Variants in VAMP4 observed in about 807,000 individuals in gnomAD.
VAMP4 encodes the protein vesicle associated membrane protein 4, also known as vesicle-associated membrane protein 4.
Under a neutral mutation model 23.5 loss-of-function variants are expected in VAMP4, and 19 were observed. The ratio of observed to expected loss-of-function variants is 0.81; its 90% CI spans 0.56 to 1.19. VAMP4 has a LOEUF of 1.19. Ranked by LOEUF, VAMP4 falls within the 50% of genes most tolerant of loss-of-function variation. The pLI is 0.00. For synonymous variants in VAMP4, 31 were observed against 51.0 expected (o/e 0.61, Z 1.67); for missense variants, 145 against 168.6 (o/e 0.86, Z 0.78).
chr1:171,728,385 C>T (rs1365670798), intron 3 of VAMP4, 139 bp downstream of exon 3: 10 of 612,552 alleles, frequency 1.6e-5, no homozygotes, highest in Non-Finnish European at 2.7e-5. Flanking sequence ...TTCACATATC[C>T]ACTGGGGGAT....
At chr1:171,709,838 T>G in intron 5 of VAMP4, 94 bp from the exon 6 acceptor site, 2 of 1,002,072 alleles carry the variant, frequency 2.0e-6, no homozygotes, top group Non-Finnish European at 3.1e-6. Flanking sequence ...AATTTCTACT[T>G]CTGCAAATTT....
At chr1:171,723,625 T>C (rs1256615613) in intron 3 of VAMP4, among the ~76,000 whole-genome samples, 1 of 152,224 alleles carries the variant, frequency 6.6e-6, no homozygotes, top group Non-Finnish European at 1.5e-5. Context: ...CCTGTTCTTT[T>C]TTCAAGGTGA....
At chr1:171,738,537 G>A in intron 1 of VAMP4, 74 bp from the exon 2 acceptor site, 4 of 928,276 alleles carry the variant, frequency 4.3e-6, no homozygotes, top group Non-Finnish European at 6.5e-6. Flanking sequence ...CAGTGTACAT[G>A]AAACCCTGTA....
intron 2 of VAMP4, among the ~76,000 whole-genome samples, chr1:171,735,448 C>A (rs1439387248): frequency 6.6e-6 from 1 of 152,166 alleles, no homozygotes; most frequent in East Asian, 1.9e-4. Context: ...TTACTACATA[C>A]ATTTCCATAC....
At chr1:171,705,198 C>T (rs11803174) in intron 7 of VAMP4, among the ~76,000 whole-genome samples, 25,391 of 152,034 alleles carry the variant, frequency 0.17, 2,264 homozygotes, top group Middle Eastern at 0.24. Context: ...TTTAAAGACA[C>T]TTTATTTAAT....
chr1:171,712,335 G>A (rs1464851982), intron 4 of VAMP4, among the ~76,000 whole-genome samples: 2 of 152,098 alleles, frequency 1.3e-5, no homozygotes, highest in Non-Finnish European at 2.9e-5. Flanking sequence ...GCACAGTCAT[G>A]TTTAATTTTG....
intron 4 of VAMP4, among the ~76,000 whole-genome samples, 189 bp from the exon 5 acceptor site, chr1:171,711,003 T>C (rs948449638): frequency 1.4e-4 from 21 of 152,200 alleles, no homozygotes; most frequent in South Asian, 1.0e-3. Flanking sequence ...TGAAAGACAA[T>C]ATGATATAAA....
chr1:171,730,320 AAGACTG>A (rs1558113795), intron 2 of VAMP4, among the ~76,000 whole-genome samples: 1 of 152,256 alleles, frequency 6.6e-6, no homozygotes, highest in Non-Finnish European at 1.5e-5. Flanking sequence ...CAAAGACCTT[AAGACTG>A]AGATGGATGA....
chr1:171,720,411 A>G (rs1236923494), intron 3 of VAMP4, among the ~76,000 whole-genome samples: 1 of 152,056 alleles, frequency 6.6e-6, no homozygotes, highest in Non-Finnish European at 1.5e-5. Flanking sequence ...GTAACATGAG[A>G]CTTCAAAATA....
intron 4 of VAMP4, among the ~76,000 whole-genome samples, chr1:171,716,842 T>C (rs1655034704): frequency 6.6e-6 from 1 of 152,224 alleles, no homozygotes; most frequent in South Asian, 2.1e-4. Flanking sequence ...CCTGCTTAGA[T>C]AAGCATTAAT....
intron 4 of VAMP4, among the ~76,000 whole-genome samples, chr1:171,713,167 A>G (rs1258496034): frequency 2.6e-5 from 4 of 152,184 alleles, no homozygotes; most frequent in Non-Finnish European, 5.9e-5. Context: ...TATAAATCCT[A>G]TAAAGCATAT....
At chr1:171,705,170 G>A (rs1481555934) in intron 7 of VAMP4, among the ~76,000 whole-genome samples, 7 of 151,942 alleles carry the variant, frequency 4.6e-5, no homozygotes, top group African/African-American at 1.7e-4. Context: ...GCATAACCTT[G>A]GTTTATATGT....
chr1:171,727,273 A>G (rs1288988388), intron 3 of VAMP4, among the ~76,000 whole-genome samples: 2 of 150,788 alleles, frequency 1.3e-5, no homozygotes, highest in East Asian at 3.9e-4. Context: ...AAAAAAACAC[A>G]ACTCAATGAG....
At chr1:171,728,705 C>T (rs1655454998) in intron 2 of VAMP4, 135 bp from the exon 3 acceptor site, 8 of 770,106 alleles carry the variant, frequency 1.0e-5, no homozygotes, top group South Asian at 2.3e-5. Flanking sequence ...AAAGTAATTA[C>T]ATATCCTTCA....
chr1:171,723,767 A>T (rs1558111194), intron 3 of VAMP4, among the ~76,000 whole-genome samples: 2 of 152,252 alleles, frequency 1.3e-5, no homozygotes, highest in Non-Finnish European at 2.9e-5. Context: ...TAAAGTAAAG[A>T]CAGGCACAGG....
intron 3 of VAMP4, among the ~76,000 whole-genome samples, chr1:171,719,650 A>C (rs11808099): frequency 0.17 from 26,175 of 152,012 alleles, 2,343 homozygotes; most frequent in Middle Eastern, 0.24. Flanking sequence ...GGAAACTACA[A>C]AGTGAACTGC....
At chr1:171,728,992 A>T (rs1655466232) in intron 2 of VAMP4, among the ~76,000 whole-genome samples, 1 of 152,192 alleles carries the variant, frequency 6.6e-6, no homozygotes, top group African/African-American at 2.4e-5. Flanking sequence ...GGGAGTTTGG[A>T]GCTGAGGACA....
At position 171,702,383 on chromosome 1, in the gene VAMP4, T is replaced by A. The variant is rs1654479339; in HGVS notation, c.*2123A>T. The A allele has an allele frequency of 6.6e-6, 1 of 151,986 alleles. No individual in the cohort carries two copies. Among genetic ancestry groups the A allele is most frequent in the Non-Finnish European group, 1.5e-5 (1 of 67,886 alleles). 9.4% of individuals were successfully genotyped at this position (151,986 alleles called of 1,614,324 possible). A position where few individuals can be genotyped will look rare whatever the true frequency, so the allele number is the denominator to read the frequency against. The stretch of plus-strand genomic sequence containing the variant: ...AATTACAAAGACAGTGACATATATA[T>A]TGTCAAAAAATTTTACTGTTACTTA... On this transcript the variant is annotated 3_prime_UTR_variant, in exon 8 of 8. Coordinates refer to ENST00000236192, the MANE Select transcript of VAMP4 (RefSeq NM_003762.5).
chr1:171,732,533 T>C (rs943363958), intron 2 of VAMP4, among the ~76,000 whole-genome samples: 3 of 152,088 alleles, frequency 2.0e-5, no homozygotes, highest in Admixed American at 6.6e-5. Context: ...GGAGACCCTG[T>C]AGCAAAAAAC....
Sources: allele counts gnomAD v4.1 joint callset (sites outside exome capture counted in the v4.1 genomes callset), GRCh38; gene constraint gnomAD v4.1.1; transcripts MANE v1.5; gene names NCBI Gene and HGNC (gene_info 2026-07-23, HGNC 2026-07-21).